The following DAPL1 variants were observed in gnomAD, a reference collection of about 807,000 sequenced individuals.
DAPL1 encodes the protein death-associated protein-like 1.
In DAPL1, 17 loss-of-function variants were observed where a neutral mutation model predicts 12.9. The observed-to-expected ratio is 1.32, with a 90% confidence interval of 0.90 to 1.98. The LOEUF (loss-of-function observed/expected upper bound fraction) is 1.98, where lower values mean the gene tolerates loss of function less well. DAPL1 is among the 30% of genes most tolerant of loss of function. The pLI is 0.00. For synonymous variants in DAPL1, 51 were observed against 42.0 expected (o/e 1.21, Z -0.82); for missense variants, 157 against 125.7 (o/e 1.25, Z -1.19).
intron 1 of DAPL1, among the ~76,000 whole-genome samples, chr2:158,796,672 A>G (rs1013656689): frequency 6.6e-6 from 1 of 152,230 alleles, no homozygotes; most frequent in Non-Finnish European, 1.5e-5. Context: ...AACCCTTCAT[A>G]AAATGGCTAA....
At chr2:158,813,216 G>C (rs1467710065) in intron 3 of DAPL1, among the ~76,000 whole-genome samples, 1 of 152,168 alleles carries the variant, frequency 6.6e-6, no homozygotes, top group African/African-American at 2.4e-5. Flanking sequence ...AATGGTGGTT[G>C]CCAGGGGCTT....
chr2:158,802,001 C>T (rs2059170293), intron 1 of DAPL1, among the ~76,000 whole-genome samples: 1 of 152,160 alleles, frequency 6.6e-6, no homozygotes, highest in Non-Finnish European at 1.5e-5. Context: ...AAACACAGAA[C>T]CAAGCTCAAC....
At position 158,805,694 on chromosome 2, in the gene DAPL1, TATTAATTCTA is replaced by T. The variant is rs201582977; in HGVS notation, c.146+1327_146+1336del. On this transcript the variant is annotated intron_variant, in intron 2 of 3. Coordinates refer to ENST00000309950, the MANE Select transcript of DAPL1 (RefSeq NM_001017920.3). ...TGCATCTCAGAAAAATGGGACTTAC[TATTAATTCTA>T]ACATCCACTGAACAATGCAGGCAGG... Among the ~76,000 whole-genome samples the T allele has an allele frequency of 4.1e-3, 615 of 148,776 alleles. 47 individuals carry two copies. In the East Asian group the frequency reaches 0.057, roughly 14 times the overall value.
rs547142468 is a variant in DAPL1 at position 158,803,187 on chromosome 2, G to A, written c.59-1095G>A. 1.1e-4 allele frequency among the ~76,000 whole-genome samples: 16 copies of A among 152,320 alleles called. No individual in the cohort carries two copies. The South Asian group carries it at 3.1e-3, about 30-fold the overall frequency. On this transcript the variant is annotated intron_variant, in intron 1 of 3. Coordinates refer to ENST00000309950, the MANE Select transcript of DAPL1 (RefSeq NM_001017920.3). ...AAGACACAGGAAGCTTATAACATTAGCAGTATCTTGGGAGATAATCTAGGA... is the reference window on the plus strand; with the variant it reads ...AAGACACAGGAAGCTTATAACATTAACAGTATCTTGGGAGATAATCTAGGA...
intron 2 of DAPL1, 124 bp downstream of exon 2, chr2:158,804,493 G>C (rs1189318889): frequency 1.2e-5 from 8 of 651,428 alleles, no homozygotes; most frequent in Admixed American, 5.9e-5. Flanking sequence ...GGGGGCAGGA[G>C]GGGGAGGGCG....
rs2059224542 is a variant in DAPL1, at chr2:158,810,481, A to G, written c.207+3366A>G. ...TCCTCTCCATAGGAACTCATCAACC[A>G]TTCAACCATGGCAGGAAAATTCTCT... On this transcript the variant is annotated intron_variant, in intron 3 of 3. Transcript: ENST00000309950. 1.3e-5 allele frequency among the ~76,000 whole-genome samples: 2 copies of G among 152,214 alleles called. 1 individual carries two copies. The highest frequency in any genetic ancestry group is 4.1e-4 in the South Asian group (2 of 4,836).
intron 1 of DAPL1, among the ~76,000 whole-genome samples, chr2:158,802,071 A>C (rs140496215): frequency 6.6e-6 from 1 of 152,342 alleles, no homozygotes; most frequent in Admixed American, 6.5e-5. Context: ...CTATTTTGTA[A>C]CTTACTGGCT....
chr2:158,804,290 G>A lies in DAPL1; in HGVS notation c.67G>A (p.Gly23Arg). The A allele has an allele frequency of 6.2e-7, 1 of 1,607,714 alleles. No individual in the cohort carries two copies. Among genetic ancestry groups the A allele is most frequent in the Non-Finnish European group, 8.5e-7 (1 of 1,176,102 alleles). The change falls in exon 2 of 4, where the codon GGA (glycine) becomes AGA (arginine). Residue 23 changes from glycine to arginine, a missense_variant. Gly to Arg is a moderately radical substitution (Grantham distance 125, BLOSUM62 -2). Coordinates refer to ENST00000309950, the MANE Select transcript of DAPL1 (RefSeq NM_001017920.3). Reference protein sequence around the residue: ...KGGHPPAVKAGGMRISKKQEI... With the variant: ...KGGHPPAVKARGMRISKKQEI... ...TTTTTATCTGTTTGTAGTAAAAGCT[G>A]GAGGAATGAGAATTTCCAAAAAACA...
chr2:158,800,887 T>G (rs1186642453), intron 1 of DAPL1, among the ~76,000 whole-genome samples: 1 of 152,180 alleles, frequency 6.6e-6, no homozygotes, highest in African/African-American at 2.4e-5. Flanking sequence ...TCACCCAGGC[T>G]GGAGAGCAGT....
Position 158,815,822 on chromosome 2 carries a change from G to C in DAPL1, c.*1G>C. The C allele has an allele frequency of 6.2e-7, 1 of 1,604,454 alleles. No homozygotes were observed. The highest frequency in any genetic ancestry group is 8.5e-7 in the Non-Finnish European group (1 of 1,171,176). ...TATTCAGCAGCCTCGAAAATGTTAA[G>C]CCTGGATTTAAAACACAGCCGTCTG... On this transcript the variant is annotated 3_prime_UTR_variant, in exon 4 of 4. Transcript: ENST00000309950.
chr2:158,799,481 A>C (rs150725738), intron 1 of DAPL1, among the ~76,000 whole-genome samples: 57 of 152,124 alleles, frequency 3.7e-4, no homozygotes, highest in Middle Eastern at 6.8e-3. Flanking sequence ...ATTGTGTTGC[A>C]TTGTAAATAA....
chr2:158,815,811 G>A lies in DAPL1; in HGVS notation c.314G>A (p.Arg105Gln), dbSNP rs745794395. The change falls in exon 4 of 4, where the codon CGA (arginine) becomes CAA (glutamine). Residue 105 changes from arginine (R) to glutamine (Q), a missense_variant. Arg to Gln is a conservative substitution (Grantham distance 43). Coordinates refer to ENST00000309950, the MANE Select transcript of DAPL1 (RefSeq NM_001017920.3). ...LKRIYIIQQP[R>Q]KC ...AGGATCTACATTATTCAGCAGCCTC[G>A]AAAATGTTAAGCCTGGATTTAAAAC... is the stretch of plus-strand genomic sequence containing the variant. 69 of 1,609,924 alleles carry A rather than the reference G, an allele frequency of 4.3e-5. No individual in the cohort carries two copies. In the Middle Eastern group the frequency reaches 4.9e-4, roughly 12 times the overall value.
Position 158,804,365 on chromosome 2 carries a change from A to G in DAPL1, c.142A>G (p.Thr48Ala), listed in dbSNP as rs1185558660. 1.2e-6 allele frequency: 2 copies of G among 1,606,868 alleles called. No individual in the cohort carries two copies. Among genetic ancestry groups the G allele is most frequent in the East Asian group, 4.5e-5 (2 of 44,812 alleles). The change falls in exon 2 of 4, where the codon ACA becomes GCA. Residue 48 changes from threonine to alanine, a missense_variant. Physicochemically the swap from Thr to Ala is moderately conservative, Grantham distance 58 (BLOSUM62 0). Transcript: ENST00000309950. ...RHTKKTGFEKTSAIANVAKIQ... is the reference protein window; with the variant it reads ...RHTKKTGFEKASAIANVAKIQ... ...TACCAAAAAAACAGGATTCGAGAAA[A>G]CAAGGTAGGGACTCTTAATTTTTCT...
chr2:158,812,310 C>T (rs1348576237), intron 3 of DAPL1, among the ~76,000 whole-genome samples: 1 of 152,216 alleles, frequency 6.6e-6, no homozygotes, highest in Non-Finnish European at 1.5e-5. Context: ...CAGGGGCTGA[C>T]TTTGTTTCCC....
intron 1 of DAPL1, among the ~76,000 whole-genome samples, chr2:158,797,374 A>C (rs1196162489): frequency 6.6e-6 from 1 of 152,238 alleles, no homozygotes; most frequent in Non-Finnish European, 1.5e-5. Flanking sequence ...CACTATCAAA[A>C]GAAATTATCC....
intron 3 of DAPL1, among the ~76,000 whole-genome samples, chr2:158,807,967 G>C (rs138710787): frequency 6.6e-6 from 1 of 152,266 alleles, no homozygotes; most frequent in South Asian, 2.1e-4. Context: ...ATTCCTTCTA[G>C]GTAGTTCTAG....
In DAPL1 at chr2:158,795,428, C is replaced by A; in HGVS notation, c.56C>A (p.Ala19Glu). The A allele has an allele frequency of 6.4e-7, 1 of 1,554,604 alleles. No homozygotes were observed. The change falls in exon 1 of 4, where the codon GCA (alanine) becomes GAA (glutamate). Residue 19 changes from alanine to glutamate, a missense_variant and splice_region_variant. Transcript: ENST00000309950. ...LSPRKGGHPP[A>E]VKAGGMRISK... Reference sequence around the variant, plus strand: ...CCTCGGAAAGGGGGACATCCTCCTGCAGGTAGGCTGCCACCTGCCCTCAGT... The same window carrying A: ...CCTCGGAAAGGGGGACATCCTCCTGAAGGTAGGCTGCCACCTGCCCTCAGT...
intron 1 of DAPL1, among the ~76,000 whole-genome samples, chr2:158,797,141 G>A (rs1466454978): frequency 6.6e-6 from 1 of 152,188 alleles, no homozygotes; most frequent in African/African-American, 2.4e-5. Context: ...ACGATTCGGT[G>A]GGGAGGGTGG....
intron 3 of DAPL1, among the ~76,000 whole-genome samples, chr2:158,811,827 G>A (rs1023508761): frequency 5.9e-5 from 9 of 152,108 alleles, no homozygotes; most frequent in African/African-American, 1.7e-4. Context: ...CAGCTTCCCC[G>A]AAGTTAAAAT....
Sources: allele counts gnomAD v4.1 joint callset (sites outside exome capture counted in the v4.1 genomes callset), GRCh38; gene constraint gnomAD v4.1.1; transcripts MANE v1.5; gene names NCBI Gene and HGNC (gene_info 2026-07-23, HGNC 2026-07-21).